RYR2: variants seen among roughly 807,000 people sequenced by gnomAD.
RYR2 encodes cardiac muscle ryanodine receptor-calcium release channel.
Under a neutral mutation model 601.1 loss-of-function variants are expected in RYR2, and 227 were observed. That is an observed-to-expected ratio of 0.38 (90% confidence interval 0.34 to 0.42). The LOEUF (loss-of-function observed/expected upper bound fraction) is 0.42, where lower values mean the gene tolerates loss of function less well. Ranked by LOEUF, RYR2 falls within the 10% of genes least tolerant of loss-of-function variation. RYR2 has a pLI of 1.00. For synonymous variants in RYR2, 2,223 were observed against 2,175.1 expected, an observed-to-expected ratio of 1.02 and a Z score of -0.61; for missense variants, 4,646 against 6,156.5, an observed-to-expected ratio of 0.75 and a Z score of 8.21.
At chr1:237,181,120 A>C (rs1678706842) in intron 1 of RYR2, among the ~76,000 whole-genome samples, 1 of 151,894 alleles carries the variant, frequency 6.6e-6, no homozygotes, top group South Asian at 2.1e-4. Context: ...AGTAGCTGGG[A>C]TTACAGGCAC....
chr1:237,157,943 A>G (rs1675582925), intron 1 of RYR2, among the ~76,000 whole-genome samples: 1 of 152,218 alleles, frequency 6.6e-6, no homozygotes, highest in South Asian at 2.1e-4. Flanking sequence ...CATCCCAACT[A>G]CCCTGATTTC....
chr1:237,208,394 A>G (rs1417234912), intron 1 of RYR2, among the ~76,000 whole-genome samples: 1 of 152,184 alleles, frequency 6.6e-6, no homozygotes, highest in Middle Eastern at 3.2e-3. Context: ...TCTATAGTCT[A>G]CATTACATAA....
intron 92 of RYR2, among the ~76,000 whole-genome samples, chr1:237,789,291 A>G (rs1453409554): frequency 1.3e-5 from 2 of 152,178 alleles, no homozygotes; most frequent in African/African-American, 4.8e-5. Context: ...AGGAAAGTGG[A>G]CTGTCCTCAG....
chr1:237,104,416 C>T (rs1668448256), intron 1 of RYR2, among the ~76,000 whole-genome samples: 1 of 152,182 alleles, frequency 6.6e-6, no homozygotes, highest in South Asian at 2.1e-4. Context: ...TCCCCTCCCA[C>T]CTGTAAGACC....
At chr1:237,682,602 T>C (rs1397717563) in intron 62 of RYR2, among the ~76,000 whole-genome samples, 1 of 152,202 alleles carries the variant, frequency 6.6e-6, no homozygotes, top group African/African-American at 2.4e-5. Context: ...CATTTAGGTT[T>C]GTGTAAGTAC....
chr1:237,777,322 TAGTC>T (rs537878782), intron 87 of RYR2, among the ~76,000 whole-genome samples: 40 of 152,294 alleles, frequency 2.6e-4, no homozygotes, highest in African/African-American at 4.6e-4. Flanking sequence ...TGAGAATACA[TAGTC>T]AGTATCTCAG....
intron 1 of RYR2, among the ~76,000 whole-genome samples, chr1:237,224,995 A>AT (rs1419883884): frequency 6.6e-6 from 1 of 152,068 alleles, no homozygotes; most frequent in Non-Finnish European, 1.5e-5. Context: ...CTTATTTCAG[A>AT]TTTTTTTGCT....
chr1:237,062,137 A>T (rs1662964827), intron 1 of RYR2, among the ~76,000 whole-genome samples: 1 of 152,182 alleles, frequency 6.6e-6, no homozygotes, highest in African/African-American at 2.4e-5. Flanking sequence ...AATTAACTCC[A>T]GATTTCTGCT....
intron 80 of RYR2, chr1:237,755,017 CTA>C: frequency 8.5e-7 from 1 of 1,172,664 alleles, no homozygotes; most frequent in Non-Finnish European, 1.1e-6. Flanking sequence ...GGAGCGCTAA[CTA>C]TAGTGTGACA....
At chr1:237,659,511 C>A (rs935847342) in intron 54 of RYR2, among the ~76,000 whole-genome samples, 7 of 152,092 alleles carry the variant, frequency 4.6e-5, no homozygotes, top group African/African-American at 1.7e-4. Flanking sequence ...TCAGAGAAGA[C>A]GCTGAGATGC....
chr1:237,670,320 A>AGGGAGAGGGAGAGGGAGAC (rs1163112705), intron 58 of RYR2, among the ~76,000 whole-genome samples: 22 of 88,568 alleles, frequency 2.5e-4, no homozygotes, highest in South Asian at 4.9e-4. Flanking sequence ...GGAGAGGGAG[A>AGGGAGAGGGAGAGGGAGAC]GGGAGAGGGA....
intron 1 of RYR2, among the ~76,000 whole-genome samples, chr1:237,105,467 C>T (rs1668560164): frequency 6.6e-6 from 1 of 152,106 alleles, no homozygotes; most frequent in African/African-American, 2.4e-5. Context: ...AAGGCCAAGA[C>T]GGGCAGGTCA....
intron 21 of RYR2, 109 bp from the exon 22 acceptor site, chr1:237,503,180 C>A: frequency 1.1e-6 from 1 of 928,118 alleles, no homozygotes; most frequent in Non-Finnish European, 1.6e-6. Context: ...GAAAATGTGG[C>A]TTCTGATAAA....
intron 2 of RYR2, among the ~76,000 whole-genome samples, chr1:237,292,182 C>A (rs910827560): frequency 6.6e-6 from 1 of 152,160 alleles, no homozygotes; most frequent in Non-Finnish European, 1.5e-5. Flanking sequence ...TGGATTCAAG[C>A]AATGTTATAC....
At chr1:237,609,034 CCCTT>C (rs140004402) in intron 35 of RYR2, among the ~76,000 whole-genome samples, 4,399 of 149,928 alleles carry the variant, frequency 0.029, 82 homozygotes, top group African/African-American at 0.05. Context: ...TTCCCTCCCT[CCCTT>C]CCTTCCTTCC....
intron 10 of RYR2, among the ~76,000 whole-genome samples, chr1:237,401,658 C>G (rs761700046): frequency 3.3e-5 from 5 of 152,048 alleles, no homozygotes; most frequent in Non-Finnish European, 5.9e-5. Flanking sequence ...GCTTCAGTGC[C>G]CAGAATGTTT....
intron 2 of RYR2, among the ~76,000 whole-genome samples, chr1:237,324,150 C>G (rs555037007): frequency 6.6e-6 from 1 of 152,118 alleles, no homozygotes; most frequent in African/African-American, 2.4e-5. Context: ...TTAGATCTTG[C>G]CTGTTACTTC....
chr1:237,791,960 T>C lies in RYR2; in HGVS notation c.13564-145T>C, dbSNP rs1053219346. 1.4e-5 allele frequency: 9 copies of C among 638,748 alleles called. No homozygotes were observed. In the African/African-American group the frequency reaches 1.5e-4, roughly 10 times the overall value. The allele number at this position is 638,748 out of a possible 1,614,324, so 39.6% of individuals were successfully genotyped here. A position where few individuals can be genotyped will look rare whatever the true frequency, so the allele number is the denominator to read the frequency against. ...GCCTTTGGTTTTTGAAAAGCTATCG[T>C]TTTTAGCCTTTGCTATTAGTCCTTT... On this transcript the variant is annotated intron_variant, in intron 93 of 104. Transcript: ENST00000366574.
intron 88 of RYR2, 117 bp downstream of exon 88, chr1:237,778,887 C>G (rs958778767): frequency 3.7e-6 from 2 of 538,164 alleles, no homozygotes; most frequent in African/African-American, 1.9e-5. Context: ...CACTTTATCA[C>G]TTGTCTTTTT....
Sources: gnomAD v4.1 joint callset for allele counts (sites outside exome capture counted in the v4.1 genomes callset) on GRCh38, gnomAD v4.1.1 for gene constraint, MANE v1.5 for transcripts, NCBI Gene and HGNC (gene_info 2026-07-23, HGNC 2026-07-21) for gene names.